MKRN2: variants seen among roughly 807,000 people sequenced by gnomAD.
MKRN2 encodes the protein makorin ring finger protein 2.
Under a neutral mutation model 45.4 loss-of-function variants are expected in MKRN2, and 32 were observed. That is an observed-to-expected ratio of 0.70 (90% CI 0.53 to 0.95). MKRN2 has a LOEUF of 0.95. MKRN2 is among the 40% of genes least tolerant of loss of function. The pLI, the probability that MKRN2 is intolerant of heterozygous loss-of-function variation, is 0.00. For missense variants in MKRN2, 526 were observed against 536.7 expected, an observed-to-expected ratio of 0.98 and a Z score of 0.20; for synonymous variants, 206 against 192.4, an observed-to-expected ratio of 1.07 and a Z score of -0.59.
At chr3:12,581,402 AC>A (rs1417115882) in intron 6 of MKRN2, among the ~76,000 whole-genome samples, 2 of 152,134 alleles carry the variant, frequency 1.3e-5, no homozygotes, top group African/African-American at 2.4e-5. Context: ...TTGGTGGGGT[AC>A]CTAGGGAACT....
chr3:12,579,167 T>G (rs2058162232), intron 6 of MKRN2, among the ~76,000 whole-genome samples: 1 of 152,166 alleles, frequency 6.6e-6, no homozygotes, highest in African/African-American at 2.4e-5. Context: ...ATGTAGAGAT[T>G]AGTAAGACAA....
Position 12,576,800 on chromosome 3 carries a change from G to C in MKRN2, c.968+59G>C, listed in dbSNP as rs552097539. Reference sequence around the variant, plus strand: ...GCCTGCCTGGCTCTGCTGTCAGCCCGTGTCCTCGTTCTCCTTCCCAGGAGT... The same window carrying C: ...GCCTGCCTGGCTCTGCTGTCAGCCCCTGTCCTCGTTCTCCTTCCCAGGAGT... On this transcript the variant is annotated intron_variant, in intron 6 of 7. Transcript: ENST00000170447. 4 of 1,255,688 alleles carry C rather than the reference G, an allele frequency of 3.2e-6. No individual in the cohort carries two copies. In the South Asian group the frequency reaches 3.7e-5, roughly 12 times the overall value. 77.8% of individuals were successfully genotyped at this position (1,255,688 alleles called of 1,614,324 possible).
intron 3 of MKRN2, among the ~76,000 whole-genome samples, chr3:12,571,345 A>T (rs1376268605): frequency 1.3e-5 from 2 of 152,084 alleles, no homozygotes; most frequent in African/African-American, 4.8e-5. Flanking sequence ...TCTTGGTCTC[A>T]TGATCCGCCC....
chr3:12,559,646 G>T (rs559564497), intron 1 of MKRN2, among the ~76,000 whole-genome samples: 1 of 152,102 alleles, frequency 6.6e-6, no homozygotes, highest in Non-Finnish European at 1.5e-5. Flanking sequence ...TTATTGCCTG[G>T]AGTGGTAAAA....
At chr3:12,569,058 G>T (rs1455247889) in intron 2 of MKRN2, 55 bp downstream of exon 2, 1 of 1,558,206 alleles carries the variant, frequency 6.4e-7, no homozygotes, top group Non-Finnish European at 8.7e-7. Flanking sequence ...TGGAGAATGG[G>T]TCTTGATAAG....
chr3:12,577,110 A>AT (rs989311349), intron 6 of MKRN2: 4 of 154,028 alleles, frequency 2.6e-5, no homozygotes, highest in Non-Finnish European at 5.7e-5. Context: ...TAATTGGCTA[A>AT]TTTTTTTTGG....
At chr3:12,575,368 C>T (rs538599037) in intron 5 of MKRN2, among the ~76,000 whole-genome samples, 9 of 152,144 alleles carry the variant, frequency 5.9e-5, no homozygotes, top group East Asian at 1.9e-4. Context: ...TCGTTTTTTC[C>T]CCCCACCAAA....
Position 12,581,846 on chromosome 3 carries a change from C to T in MKRN2, c.1007C>T (p.Thr336Ile). The T allele has an allele frequency of 6.2e-7, 1 of 1,614,148 alleles. No individual in the cohort carries two copies. The highest frequency in any genetic ancestry group is 8.5e-7 in the Non-Finnish European group (1 of 1,180,032). Residue 336 changes from threonine (T) to isoleucine (I), a missense_variant, in exon 7 of 8, where the codon ACC becomes ATC. By Grantham distance (89) the Thr-to-Ile change is moderately conservative. Transcript: ENST00000170447. ...AAATACTTTGAGCAAGGCAAGGGGA[C>T]CTGCCCATTTGGAAGCAAATGTCTT... is the stretch of plus-strand genomic sequence containing the variant. ...ACKYFEQGKG[T>I]CPFGSKCLYR...
In MKRN2 at chr3:12,582,171, T is replaced by A. The variant is rs201937482; in HGVS notation, c.1169T>A (p.Val390Asp). 25 of 1,613,976 alleles carry A rather than the reference T, an allele frequency of 1.5e-5. No homozygotes were observed. In the Middle Eastern group the frequency reaches 1.5e-3, roughly 96 times the overall value. ...DFIENRESRH[V>D]PNNEDVDMTE... Reference sequence around the variant, plus strand: ...ATCGAGAACCGAGAAAGCCGGCATGTCCCCAACAATGAAGATGTCGACATG... The same window carrying A: ...ATCGAGAACCGAGAAAGCCGGCATGACCCCAACAATGAAGATGTCGACATG... Residue 390 changes from valine (V) to aspartate (D), a missense_variant, in exon 8 of 8, where the codon GTC (valine) becomes GAC (aspartate). Physicochemically the swap from Val to Asp is radical, Grantham distance 152 (BLOSUM62 -3). Coordinates refer to ENST00000170447, the MANE Select transcript of MKRN2 (RefSeq NM_014160.5).
intron 1 of MKRN2, among the ~76,000 whole-genome samples, chr3:12,562,532 G>A (rs531974585): frequency 2.6e-5 from 4 of 152,164 alleles, no homozygotes; most frequent in African/African-American, 7.2e-5. Context: ...CAGCCTTATG[G>A]CAAATTACTG....
At chr3:12,578,623 A>G (rs2058158154) in intron 6 of MKRN2, among the ~76,000 whole-genome samples, 1 of 152,066 alleles carries the variant, frequency 6.6e-6, no homozygotes, top group Non-Finnish European at 1.5e-5. Flanking sequence ...ACCTTTTTTA[A>G]AAAAGGTAAC....
At chr3:12,580,490 T>C in intron 6 of MKRN2, among the ~76,000 whole-genome samples, 2 of 139,888 alleles carry the variant, frequency 1.4e-5, no homozygotes, top group South Asian at 5.2e-4. Flanking sequence ...TCTCACTCTG[T>C]CTCCCAGGCT....
intron 1 of MKRN2, among the ~76,000 whole-genome samples, chr3:12,567,992 A>G (rs1042572336): frequency 3.3e-5 from 5 of 152,260 alleles, no homozygotes; most frequent in African/African-American, 1.2e-4. Flanking sequence ...AACATCTGAA[A>G]CAATGTATGA....
intron 6 of MKRN2, 66 bp downstream of exon 6, chr3:12,576,807 C>G: frequency 8.6e-7 from 1 of 1,166,590 alleles, no homozygotes; most frequent in Non-Finnish European, 1.3e-6. Flanking sequence ...CCCGTGTCCT[C>G]GTTCTCCTTC....
intron 5 of MKRN2, 117 bp downstream of exon 5, chr3:12,575,123 C>G (rs898998929): frequency 1.1e-6 from 1 of 923,626 alleles, no homozygotes; most frequent in African/African-American, 1.7e-5. Flanking sequence ...AGTTCTGGCC[C>G]CTGGCTGCAT....
intron 2 of MKRN2, 97 bp downstream of exon 2, chr3:12,569,100 A>T: frequency 1.4e-6 from 2 of 1,390,354 alleles, no homozygotes; most frequent in Non-Finnish European, 1.9e-6. Flanking sequence ...TAATATGGCA[A>T]CATCACAAAA....
At chr3:12,571,754 G>A (rs956309141) in intron 3 of MKRN2, among the ~76,000 whole-genome samples, 4 of 152,132 alleles carry the variant, frequency 2.6e-5, no homozygotes, top group Non-Finnish European at 1.5e-5. Context: ...TGGTCCATGT[G>A]TTAACATTTC....
chr3:12,572,492 T>C, intron 4 of MKRN2, 119 bp downstream of exon 4: 1 of 950,756 alleles, frequency 1.1e-6, no homozygotes. Flanking sequence ...GACAGAATTG[T>C]TGGTATTTCC....
rs867240265 is a variant in MKRN2 at position 12,576,934 on chromosome 3, T to G, written c.968+193T>G. ...GATGTGGACCTGTTTAGTTTTGGTG[T>G]TTTTTTTTTTTTTTTTTTTTTTTCG... On this transcript the variant is annotated intron_variant, in intron 6 of 7. Coordinates refer to ENST00000170447, the MANE Select transcript of MKRN2 (RefSeq NM_014160.5). 2.6e-3 allele frequency: 234 copies of G among 88,894 alleles called. 1 individual carries two copies. The highest frequency in any genetic ancestry group is 0.018 in the African/African-American group (206 of 11,684). 5.5% of individuals were successfully genotyped at this position (88,894 alleles called of 1,614,324 possible).
Sources: allele counts gnomAD v4.1 joint callset (sites outside exome capture counted in the v4.1 genomes callset), GRCh38; gene constraint gnomAD v4.1.1; transcripts MANE v1.5; gene names NCBI Gene and HGNC (gene_info 2026-07-23, HGNC 2026-07-21).